The following SFI1 variants were observed in gnomAD, a reference collection of about 807,000 sequenced individuals.
The protein encoded by SFI1 is SFI1 centrin binding protein, also known as protein SFI1 homolog.
In SFI1, 195 loss-of-function variants were observed where a neutral mutation model predicts 207.5. The ratio of observed to expected loss-of-function variants is 0.94; its 90% confidence interval spans 0.84 to 1.06. The LOEUF (loss-of-function observed/expected upper bound fraction) is 1.06. Among genes scored for constraint, SFI1 ranks in the 50% least tolerant of loss-of-function variants. The pLI is 0.00. For missense variants in SFI1, 1,634 were observed against 1,588.0 expected (o/e 1.03, Z -0.49); for synonymous variants, 630 against 598.9 (o/e 1.05, Z -0.76).
In SFI1 at chr22:31,615,237, T is replaced by TC. The variant is rs769170123; in HGVS notation, c.3259dup (p.Leu1087ProfsTer23). On this transcript the variant is annotated frameshift_variant, in exon 29 of 33. Transcript: ENST00000400288. LOFTEE classifies it high-confidence loss of function. Reference sequence around the variant, plus strand: ...CAGGCCCGGAGCTGCTGCTGCTGCCTCTTTCCTCCTTCATGCCCTGCGGGG... The same window carrying TC: ...CAGGCCCGGAGCTGCTGCTGCTGCCTCCTTTCCTCCTTCATGCCCTGCGGGG... 1 of 1,534,620 alleles carries TC rather than the reference T, an allele frequency of 6.5e-7. No homozygotes were observed. The highest frequency in any genetic ancestry group is 8.7e-7 in the Non-Finnish European group (1 of 1,148,472).
intron 18 of SFI1, 77 bp downstream of exon 18, chr22:31,603,896 A>G (rs2068528331): frequency 3.0e-6 from 4 of 1,327,824 alleles, no homozygotes; most frequent in African/African-American, 1.5e-5. Flanking sequence ...ACTCACAGGC[A>G]ACATATGGGC....
At chr22:31,570,250 T>G (rs899266928) in intron 8 of SFI1, among the ~76,000 whole-genome samples, 6 of 152,192 alleles carry the variant, frequency 3.9e-5, no homozygotes, top group Admixed American at 6.5e-5. Context: ...AGACGGTGGT[T>G]GGATTCTCAA....
At chr22:31,499,500 C>G (rs946782153) in intron 1 of SFI1, among the ~76,000 whole-genome samples, 1 of 152,024 alleles carries the variant, frequency 6.6e-6, no homozygotes, top group Admixed American at 6.6e-5. Context: ...GAAATCTACA[C>G]CTGGTGAAGA....
intron 10 of SFI1, among the ~76,000 whole-genome samples, chr22:31,577,675 G>A (rs1389537951): frequency 1.3e-5 from 2 of 152,174 alleles, no homozygotes; most frequent in Non-Finnish European, 2.9e-5. Flanking sequence ...AGGCTACAGT[G>A]AACTATGATG....
At chr22:31,596,779 A>G (rs2067181207) in intron 15 of SFI1, among the ~76,000 whole-genome samples, 1 of 68,396 alleles carries the variant, frequency 1.5e-5, no homozygotes, top group Admixed American at 1.9e-4. Flanking sequence ...GCAAGATTCC[A>G]TCTCAAAAAA....
intron 2 of SFI1, among the ~76,000 whole-genome samples, chr22:31,522,518 A>C (rs2057400932): frequency 6.6e-6 from 1 of 151,928 alleles, no homozygotes; most frequent in African/African-American, 2.4e-5. Context: ...ACCCTTTATA[A>C]CCTTTATTAT....
At chr22:31,618,039 A>T (rs996668691) in intron 31 of SFI1, 76 bp from the exon 32 acceptor site, 1 of 1,465,830 alleles carries the variant, frequency 6.8e-7, no homozygotes, top group African/African-American at 1.4e-5. Flanking sequence ...GAATTAGCTG[A>T]GGTGCCTCTC....
At chr22:31,548,161 A>G (rs2060271327) in intron 5 of SFI1, among the ~76,000 whole-genome samples, 1 of 151,430 alleles carries the variant, frequency 6.6e-6, no homozygotes, top group South Asian at 2.1e-4. Context: ...TGGAGCTTGC[A>G]GTGAGCCAAG....
chr22:31,607,875 TG>T, intron 21 of SFI1, 61 bp from the exon 22 acceptor site: 2 of 1,488,944 alleles, frequency 1.3e-6, no homozygotes, highest in Non-Finnish European at 1.9e-6. Context: ...GTCACAGACC[TG>T]GGGTGGACCC....
At chr22:31,594,009 G>T in intron 15 of SFI1, among the ~76,000 whole-genome samples, 1 of 136,856 alleles carries the variant, frequency 7.3e-6, no homozygotes, top group South Asian at 2.2e-4. Flanking sequence ...AGAGGGACAG[G>T]GAGAGGGAGA....
chr22:31,563,138 G>A (rs1396834832), intron 8 of SFI1, among the ~76,000 whole-genome samples: 8 of 151,400 alleles, frequency 5.3e-5, no homozygotes, highest in Non-Finnish European at 1.0e-4. Context: ...GGACTCAGAC[G>A]CATGCCGCCA....
intron 15 of SFI1, 51 bp from the exon 16 acceptor site, chr22:31,602,161 G>C (rs764139724): frequency 2.0e-6 from 3 of 1,479,062 alleles, no homozygotes; most frequent in Non-Finnish European, 1.9e-6. Context: ...TTCTGTTTGG[G>C]TTAATTTTTA....
At chr22:31,553,542 TTTTTTTTTTC>T (rs1444909896) in intron 6 of SFI1, among the ~76,000 whole-genome samples, 2 of 147,778 alleles carry the variant, frequency 1.4e-5, no homozygotes, top group African/African-American at 2.5e-5. Context: ...TTTTTTTTTT[TTTTTTTTTTC>T]AGTAGAGACA....
At chr22:31,543,826 G>GA (rs945028302) in intron 4 of SFI1, among the ~76,000 whole-genome samples, 3 of 144,462 alleles carry the variant, frequency 2.1e-5, no homozygotes, top group East Asian at 4.1e-4. Context: ...AAAAAAAAAA[G>GA]AAAAAAAACT....
At chr22:31,552,375 C>G (rs985112646) in intron 6 of SFI1, among the ~76,000 whole-genome samples, 1 of 152,090 alleles carries the variant, frequency 6.6e-6, no homozygotes, top group Non-Finnish European at 1.5e-5. Context: ...GCCTCAGCCT[C>G]TCAAGTACCT....
intron 4 of SFI1, among the ~76,000 whole-genome samples, chr22:31,534,053 T>C (rs1431495053): frequency 1.3e-5 from 2 of 152,248 alleles, no homozygotes; most frequent in South Asian, 2.1e-4. Context: ...TAGAATACTT[T>C]AGCTCTGCCC....
chr22:31,614,949 T>C, intron 28 of SFI1, 89 bp downstream of exon 28: 1 of 1,578,648 alleles, frequency 6.3e-7, no homozygotes, highest in East Asian at 2.3e-5. Flanking sequence ...GGCCTGTGTT[T>C]TGGCAGCCCT....
intron 27 of SFI1, chr22:31,614,390 AGCCTTGGGCCTCGG>A: frequency 2.6e-6 from 1 of 386,464 alleles, no homozygotes; most frequent in Non-Finnish European, 5.0e-6. Flanking sequence ...ACTACCCGAG[AGCCTTGGGCCTCGG>A]GGGAGATGTC....
At chr22:31,602,567 A>C (rs373717963) in intron 16 of SFI1, 40 bp from the exon 17 acceptor site, 1 of 1,603,016 alleles carries the variant, frequency 6.2e-7, no homozygotes, top group Non-Finnish European at 8.5e-7. Flanking sequence ...CCTCTCTCCT[A>C]CTTGATTTAT....
Sources: allele counts gnomAD v4.1 joint callset (sites outside exome capture counted in the v4.1 genomes callset), GRCh38; gene constraint gnomAD v4.1.1; transcripts MANE v1.5; gene names NCBI Gene and HGNC (gene_info 2026-07-23, HGNC 2026-07-21).